The following ADD1 variants were observed in gnomAD, a reference collection of about 807,000 sequenced individuals.
ADD1 encodes the protein adducin 1.
In ADD1, 24 loss-of-function variants were observed where a neutral mutation model predicts 80.5. The ratio of observed to expected loss-of-function variants is 0.30; its 90% CI spans 0.22 to 0.42. The LOEUF (loss-of-function observed/expected upper bound fraction) is 0.42, where lower values mean the gene tolerates loss of function less well. Ranked by LOEUF, ADD1 falls within the 10% of genes least tolerant of loss-of-function variation. ADD1 has a pLI of 1.00. For synonymous variants in ADD1, 373 were observed against 393.8 expected (o/e 0.95, Z 0.63); for missense variants, 948 against 1,019.0 (o/e 0.93, Z 0.95).
intron 1 of ADD1, among the ~76,000 whole-genome samples, chr4:2,847,313 A>G (rs943651419): frequency 1.3e-5 from 2 of 149,504 alleles, no homozygotes; most frequent in Non-Finnish European, 3.0e-5. Flanking sequence ...CCCCACTACT[A>G]GGGAGGCTGA....
chr4:2,863,586 G>A (rs1729116420), intron 1 of ADD1, among the ~76,000 whole-genome samples: 1 of 152,170 alleles, frequency 6.6e-6, no homozygotes, highest in Non-Finnish European at 1.5e-5. Flanking sequence ...AGGATACTTG[G>A]TTCTTAGGTT....
chr4:2,903,302 G>C (rs1736502624), intron 9 of ADD1, among the ~76,000 whole-genome samples: 2 of 152,184 alleles, frequency 1.3e-5, no homozygotes, highest in African/African-American at 2.4e-5. Context: ...TTGTTGAGCA[G>C]ACAGCTCTTC....
intron 4 of ADD1, among the ~76,000 whole-genome samples, chr4:2,891,178 G>A (rs1234666677): frequency 6.6e-6 from 1 of 152,052 alleles, no homozygotes; most frequent in Non-Finnish European, 1.5e-5. Context: ...GCTGGGCACG[G>A]TGGCTCATGC....
chr4:2,855,837 C>T (rs1339686593), intron 1 of ADD1, among the ~76,000 whole-genome samples: 1 of 151,774 alleles, frequency 6.6e-6, no homozygotes, highest in Non-Finnish European at 1.5e-5. Context: ...GTAGCTGGGA[C>T]TACAGGCACA....
At chr4:2,907,951 T>A (rs1737338403) in intron 11 of ADD1, 107 bp downstream of exon 11, 3 of 832,970 alleles carry the variant, frequency 3.6e-6, no homozygotes, top group Non-Finnish European at 6.2e-6. Flanking sequence ...GCATCTGCTG[T>A]TGTTGCCACT....
rs567163677 is a variant in ADD1 at position 2,887,231 on chromosome 4, A to G, written c.510+2565A>G. On this transcript the variant is annotated intron_variant, in intron 4 of 15. Transcript: ENST00000683351. ...ATTTTGTTTTACTATTATGGCATCC[A>G]TTTCTTATTTACTATCTAGGTATGG... 7.9e-5 allele frequency among the ~76,000 whole-genome samples: 12 copies of G among 152,286 alleles called. No homozygotes were observed. In the South Asian group the frequency reaches 1.9e-3, roughly 24 times the overall value.
chr4:2,901,390 G>C (rs1736153121), intron 9 of ADD1: 1 of 152,136 alleles, frequency 6.6e-6, no homozygotes, highest in Non-Finnish European at 1.5e-5. Flanking sequence ...GTCAAAATCA[G>C]GTAGAAACTC....
intron 13 of ADD1, among the ~76,000 whole-genome samples, chr4:2,909,648 G>A (rs1419974745): frequency 2.0e-5 from 3 of 152,082 alleles, no homozygotes; most frequent in Non-Finnish European, 4.4e-5. Flanking sequence ...TCCAGCATTC[G>A]AAGTTGTTAC....
chr4:2,852,830 G>A (rs1323553017), intron 1 of ADD1, among the ~76,000 whole-genome samples: 1 of 151,232 alleles, frequency 6.6e-6, no homozygotes, highest in African/African-American at 2.4e-5. Context: ...TTCCTGAGCA[G>A]CTGGGCCTGC....
At chr4:2,886,185 G>A (rs1183100235) in intron 4 of ADD1, among the ~76,000 whole-genome samples, 1 of 152,210 alleles carries the variant, frequency 6.6e-6, no homozygotes, top group African/African-American at 2.4e-5. Flanking sequence ...TGTGTGCGCT[G>A]TTCACGTTGC....
intron 10 of ADD1, among the ~76,000 whole-genome samples, chr4:2,906,447 G>C (rs1223896986): frequency 6.6e-6 from 1 of 151,662 alleles, no homozygotes; most frequent in Non-Finnish European, 1.5e-5. Context: ...GCACAGTGCT[G>C]AATTGCCATG....
chr4:2,926,518 G>T lies in ADD1; in HGVS notation c.2047+406G>T. ...TCCCGGGTGTCTGTCCCTCGGTCTCGTACATCCATGTCTCTCGTGAAGCCC... is the reference window on the plus strand; with the variant it reads ...TCCCGGGTGTCTGTCCCTCGGTCTCTTACATCCATGTCTCTCGTGAAGCCC... On this transcript the variant is annotated intron_variant, in intron 15 of 15. Coordinates refer to ENST00000683351, the MANE Select transcript of ADD1 (RefSeq NM_001354761.2). This position sits in a 1 kb window ranked among gnomAD's most constrained non-coding sequence, Gnocchi z 5.0. 9.7e-7 allele frequency: 1 copy of T among 1,035,268 alleles called. No individual in the cohort carries two copies. The highest frequency in any genetic ancestry group is 1.5e-6 in the Non-Finnish European group (1 of 683,340). 64.1% of individuals were successfully genotyped at this position (1,035,268 alleles called of 1,614,324 possible).
rs199501257 is a variant in ADD1 at position 2,926,080 on chromosome 4, C to T, written c.2015C>T (p.Pro672Leu). ...CCAGACCAGCCTGCGGTCCCCCACC[C>T]GCCTCCCAGCACTCCCATCAAGCTG... ...SPPDQPAVPH[P>L]PPSTPIKLEE... The change falls in exon 15 of 16, where the codon CCG (proline) becomes CTG (leucine). Residue 672 changes from proline to leucine, a missense_variant. Pro to Leu is a moderately conservative substitution (Grantham distance 98). Coordinates refer to ENST00000683351, the MANE Select transcript of ADD1 (RefSeq NM_001354761.2). The surrounding 1 kb of genome is among the most constrained non-coding windows in gnomAD (Gnocchi z 5.0). 43 of 1,614,156 alleles carry T rather than the reference C, an allele frequency of 2.7e-5. No homozygotes were observed. Among genetic ancestry groups the T allele is most frequent in the East Asian group, 8.9e-5 (4 of 44,874 alleles).
rs978592667 is a variant in ADD1, at chr4:2,926,235, G to A, written c.2047+123G>A. On this transcript the variant is annotated intron_variant, in intron 15 of 15. Transcript: ENST00000683351. The surrounding 1 kb of genome is among the most constrained non-coding windows in gnomAD (Gnocchi z 5.0). ...AAGTGTGTGCTTGCATCAGCGCCAG[G>A]ACGTGACACCTTTCTCCTCCTATAT... 7.0e-6 allele frequency: 6 copies of A among 859,956 alleles called. No homozygotes were observed. The African/African-American group carries it at 1.0e-4, about 14-fold the overall frequency. The allele number at this position is 859,956 out of a possible 1,614,324, so 53.3% of individuals were successfully genotyped here.
chr4:2,913,995 C>G (rs897319388), intron 13 of ADD1, among the ~76,000 whole-genome samples: 1 of 150,570 alleles, frequency 6.6e-6, no homozygotes, highest in Non-Finnish European at 1.5e-5. Context: ...GGAGGTGGAG[C>G]TTGCAGCGAG....
intron 9 of ADD1, among the ~76,000 whole-genome samples, chr4:2,903,936 T>G (rs943654669): frequency 1.3e-5 from 2 of 152,176 alleles, no homozygotes; most frequent in Non-Finnish European, 2.9e-5. Flanking sequence ...TGGAGGTGAA[T>G]TTGAATGTTG....
intron 1 of ADD1, among the ~76,000 whole-genome samples, chr4:2,860,055 T>C (rs978426070): frequency 3.9e-5 from 6 of 152,196 alleles, no homozygotes; most frequent in African/African-American, 1.4e-4. Flanking sequence ...TATACTGATG[T>C]GTCTGGTCAA....
At chr4:2,845,072 C>T (rs1877723) in intron 1 of ADD1, among the ~76,000 whole-genome samples, 54,270 of 151,594 alleles carry the variant, frequency 0.36, 10,897 homozygotes, top group African/African-American at 0.52. Context: ...CAAAGGCCCG[C>T]GATGATACCT....
chr4:2,926,573 G>C lies in ADD1; in HGVS notation c.2047+461G>C, dbSNP rs1434487283. On this transcript the variant is annotated intron_variant, in intron 15 of 15. Transcript: ENST00000683351. The surrounding 1 kb of genome is among the most constrained non-coding windows in gnomAD (Gnocchi z 5.0). Reference sequence around the variant, plus strand: ...CCCTGCCTTTCTTCTTCTGTAACCTGATGGCTGTGACTGAATGCATAGATT... The same window carrying C: ...CCCTGCCTTTCTTCTTCTGTAACCTCATGGCTGTGACTGAATGCATAGATT... The C allele has an allele frequency of 1.9e-6, 3 of 1,568,990 alleles. No homozygotes were observed. The highest frequency in any genetic ancestry group is 1.7e-5 in the Admixed American group (1 of 58,500).
Sources: allele counts gnomAD v4.1 joint callset (sites outside exome capture counted in the v4.1 genomes callset), GRCh38; gene constraint gnomAD v4.1.1; non-coding constraint Gnocchi (gnomAD v3.1); transcripts MANE v1.5; gene names NCBI Gene and HGNC (gene_info 2026-07-23, HGNC 2026-07-21).